TMTC2: variants seen among roughly 807,000 people sequenced by gnomAD.
TMTC2 encodes the protein transmembrane O-mannosyltransferase targeting cadherins 2.
TMTC2 carries 43 observed loss-of-function variants against 82.4 expected under a neutral mutation model. That is an observed-to-expected ratio of 0.52 (90% CI 0.41 to 0.67). The LOEUF (loss-of-function observed/expected upper bound fraction) is 0.67. TMTC2 is among the 30% of genes least tolerant of loss of function. TMTC2 has a pLI of 0.00. For missense variants in TMTC2, 919 were observed against 1,012.4 expected (o/e 0.91, Z 1.25); for synonymous variants, 408 against 381.9 (o/e 1.07, Z -0.80).
chr12:82,948,429 G>A (rs1877152788), intron 4 of TMTC2, among the ~76,000 whole-genome samples: 1 of 151,954 alleles, frequency 6.6e-6, no homozygotes, highest in African/African-American at 2.4e-5. Context: ...GAAGTATTCA[G>A]GATAAACCTT....
intron 1 of TMTC2, among the ~76,000 whole-genome samples, chr12:82,850,835 G>T (rs1190577474): frequency 6.6e-6 from 1 of 152,024 alleles, no homozygotes; most frequent in African/African-American, 2.4e-5. Flanking sequence ...GGAGGCTGAG[G>T]TGGGCAGATC....
At chr12:82,696,964 G>GTATATATATATATATATATATATA (rs3993380) in intron 1 of TMTC2, among the ~76,000 whole-genome samples, 45 of 141,504 alleles carry the variant, frequency 3.2e-4, no homozygotes, top group African/African-American at 1.1e-3. Context: ...ACATACATAC[G>GTATATATATATATATATATATATA]TATATATATA....
intron 1 of TMTC2, among the ~76,000 whole-genome samples, chr12:82,712,768 A>T (rs1431411625): frequency 1.3e-5 from 2 of 152,186 alleles, no homozygotes; most frequent in East Asian, 3.9e-4. Flanking sequence ...TTGATGGTAA[A>T]CTAAGGAGCT....
intron 2 of TMTC2, among the ~76,000 whole-genome samples, chr12:82,893,301 G>A (rs1458853826): frequency 6.6e-6 from 1 of 151,248 alleles, no homozygotes; most frequent in Admixed American, 6.6e-5. Context: ...AACCTGGGAG[G>A]TAGAGGTTAC....
At chr12:82,973,402 C>T (rs1878532084) in intron 7 of TMTC2, among the ~76,000 whole-genome samples, 1 of 151,884 alleles carries the variant, frequency 6.6e-6, no homozygotes, top group South Asian at 2.1e-4. Flanking sequence ...TCCAGAAAGG[C>T]AAAATATAGA....
chr12:82,727,252 G>A (rs1338606950), intron 1 of TMTC2, among the ~76,000 whole-genome samples: 7 of 151,772 alleles, frequency 4.6e-5, no homozygotes, highest in Admixed American at 6.6e-5. Flanking sequence ...TTCCTTTTCC[G>A]TGTATGTATC....
intron 3 of TMTC2, among the ~76,000 whole-genome samples, chr12:82,913,315 C>T (rs543074456): frequency 1.2e-4 from 19 of 152,244 alleles, no homozygotes; most frequent in African/African-American, 4.3e-4. Context: ...CTGCTTTGGG[C>T]AGAGGACCAT....
Position 82,892,907 on chromosome 12 carries a change from C to T in TMTC2, c.655-2911C>T, listed in dbSNP as rs140206586. ...AGAGTACTCAATTATGTGATTGATCCGATCATGTTATTACAAGCTCTTAAG... is the reference window on the plus strand; with the variant it reads ...AGAGTACTCAATTATGTGATTGATCTGATCATGTTATTACAAGCTCTTAAG... On this transcript the variant is annotated intron_variant, in intron 2 of 11. Transcript: ENST00000321196. Among the ~76,000 whole-genome samples the T allele has an allele frequency of 5.8e-3, 889 of 152,100 alleles. 10 individuals carry two copies. Among genetic ancestry groups the T allele is most frequent in the African/African-American group, 0.02 (841 of 41,518 alleles).
intron 1 of TMTC2, among the ~76,000 whole-genome samples, chr12:82,835,313 G>T (rs1869975120): frequency 6.6e-6 from 1 of 152,094 alleles, no homozygotes; most frequent in Non-Finnish European, 1.5e-5. Context: ...TATTGTATTT[G>T]TTTTCATTGA....
intron 1 of TMTC2, among the ~76,000 whole-genome samples, chr12:82,800,859 C>G (rs887789853): frequency 1.3e-5 from 2 of 152,154 alleles, no homozygotes; most frequent in African/African-American, 4.8e-5. Context: ...TGGCTTAGAG[C>G]TGTCCCTGTT....
intron 1 of TMTC2, among the ~76,000 whole-genome samples, chr12:82,851,036 C>T (rs1349638293): frequency 6.6e-6 from 1 of 152,082 alleles, no homozygotes; most frequent in Non-Finnish European, 1.5e-5. Flanking sequence ...TGCACTCCAG[C>T]CTGAGTGACA....
chr12:82,736,056 C>G (rs546331333), intron 1 of TMTC2, among the ~76,000 whole-genome samples: 5 of 152,012 alleles, frequency 3.3e-5, no homozygotes, highest in Admixed American at 1.3e-4. Context: ...ATGCCTCCCT[C>G]GCCTTATCCT....
chr12:82,778,263 C>T (rs558043460), intron 1 of TMTC2, among the ~76,000 whole-genome samples: 5 of 152,098 alleles, frequency 3.3e-5, no homozygotes, highest in African/African-American at 1.2e-4. Flanking sequence ...GTGATGAACA[C>T]AGAGAAGCAA....
At chr12:82,956,312 T>C (rs938060960) in intron 4 of TMTC2, among the ~76,000 whole-genome samples, 7 of 152,124 alleles carry the variant, frequency 4.6e-5, no homozygotes, top group Non-Finnish European at 2.9e-5. Flanking sequence ...TATATATATA[T>C]GTCTGCTGTC....
In TMTC2 at chr12:83,134,012, A is replaced by G. The variant is rs1291091743; in HGVS notation, c.*1623A>G. 1 of 152,616 alleles carries G rather than the reference A, an allele frequency of 6.6e-6. No homozygotes were observed. 9.5% of individuals were successfully genotyped at this position (152,616 alleles called of 1,614,324 possible). On this transcript the variant is annotated 3_prime_UTR_variant, in exon 12 of 12. Coordinates refer to ENST00000321196, the MANE Select transcript of TMTC2 (RefSeq NM_152588.3). ...CTCCATATTTTATGTTTTTCTATGT[A>G]TCTGAATACAGTGGGATAAATAATT...
At chr12:83,067,161 A>T (rs1458159267) in intron 11 of TMTC2, among the ~76,000 whole-genome samples, 1 of 151,990 alleles carries the variant, frequency 6.6e-6, no homozygotes, top group African/African-American at 2.4e-5. Flanking sequence ...CCTGCTGTAA[A>T]AAAAAGAAAA....
At chr12:83,114,300 C>T (rs1476494885) in intron 11 of TMTC2, among the ~76,000 whole-genome samples, 1 of 152,088 alleles carries the variant, frequency 6.6e-6, no homozygotes, top group Non-Finnish European at 1.5e-5. Context: ...GAGTCTTTCT[C>T]TGCCTGCACA....
intron 8 of TMTC2, among the ~76,000 whole-genome samples, chr12:83,014,322 C>G (rs577712462): frequency 2.6e-5 from 4 of 152,170 alleles, no homozygotes; most frequent in African/African-American, 9.6e-5. Context: ...GCCACCACGC[C>G]CAGCTAATTT....
At chr12:82,801,130 G>A (rs928569699) in intron 1 of TMTC2, among the ~76,000 whole-genome samples, 1 of 152,082 alleles carries the variant, frequency 6.6e-6, no homozygotes, top group Non-Finnish European at 1.5e-5. Context: ...AGGATTTCAG[G>A]CATGGAGTAA....
Sources: gnomAD v4.1 joint callset for allele counts (sites outside exome capture counted in the v4.1 genomes callset) on GRCh38, gnomAD v4.1.1 for gene constraint, MANE v1.5 for transcripts, NCBI Gene and HGNC (gene_info 2026-07-23, HGNC 2026-07-21) for gene names.